The following TXNDC9 variants were observed in gnomAD, a reference collection of about 807,000 sequenced individuals.
TXNDC9 encodes the protein thioredoxin domain containing 9.
TXNDC9 carries 7 observed loss-of-function variants against 23.0 expected under a neutral mutation model. That is an observed-to-expected ratio of 0.30 (90% CI 0.17 to 0.57). The LOEUF is 0.57. TXNDC9 is among the 20% of genes least tolerant of loss of function. TXNDC9 has a pLI of 0.90. For missense variants in TXNDC9, 198 were observed against 252.6 expected (o/e 0.78, Z 1.47); for synonymous variants, 72 against 90.6 (o/e 0.79, Z 1.17).
At chr2:99,322,725 G>A in intron 3 of TXNDC9, 1 of 1,411,046 alleles carries the variant, frequency 7.1e-7, no homozygotes, top group Non-Finnish European at 9.3e-7. Context: ...TGGCCATTAT[G>A]CTTCTAGGAA....
intron 3 of TXNDC9, 47 bp from the exon 4 acceptor site, chr2:99,322,256 G>T: frequency 1.3e-6 from 2 of 1,561,406 alleles, no homozygotes; most frequent in Non-Finnish European, 1.7e-6. Context: ...ACCACAGATC[G>T]CTTTTTTCAA....
chr2:99,306,512 C>T, the TXNDC9 span, among the ~76,000 whole-genome samples: 1 of 151,776 alleles, frequency 6.6e-6, no homozygotes, highest in South Asian at 2.1e-4. Flanking sequence ...AGCTGGGGCA[C>T]AGGGTGTGGT....
chr2:99,311,241 TTA>T, the TXNDC9 span, among the ~76,000 whole-genome samples: 2 of 152,136 alleles, frequency 1.3e-5, no homozygotes, highest in African/African-American at 4.8e-5. Flanking sequence ...GAGAATTTTT[TTA>T]TCTTTTGTGG....
chr2:99,330,665 T>C (rs912316652), intron 2 of TXNDC9, among the ~76,000 whole-genome samples: 3 of 152,206 alleles, frequency 2.0e-5, no homozygotes, highest in Non-Finnish European at 4.4e-5. Flanking sequence ...GTGCCAGCTC[T>C]AGTTAACAGT....
At chr2:99,335,755 C>A (rs1279965750) in intron 1 of TXNDC9, among the ~76,000 whole-genome samples, 1 of 152,088 alleles carries the variant, frequency 6.6e-6, no homozygotes, top group Non-Finnish European at 1.5e-5. Flanking sequence ...TGGAAAAAGA[C>A]GAGATTAAGA....
chr2:99,329,031 T>C (rs911310502), intron 2 of TXNDC9, among the ~76,000 whole-genome samples: 3 of 152,100 alleles, frequency 2.0e-5, no homozygotes, highest in South Asian at 2.1e-4. Flanking sequence ...CCAATTCGTC[T>C]TGGGGAGAAA....
At chr2:99,308,804 C>A in the TXNDC9 span, among the ~76,000 whole-genome samples, 1 of 151,980 alleles carries the variant, frequency 6.6e-6, no homozygotes, top group South Asian at 2.1e-4. Flanking sequence ...CTCCGCCTCC[C>A]GGGTTCATGC....
At chr2:99,323,938 T>G (rs2094207988) in intron 3 of TXNDC9, among the ~76,000 whole-genome samples, 1 of 152,084 alleles carries the variant, frequency 6.6e-6, no homozygotes, top group Non-Finnish European at 1.5e-5. Flanking sequence ...CTCTGCCTCC[T>G]GGGTTCAATC....
At position 99,319,816 on chromosome 2, in the gene TXNDC9, AGC is replaced by A; in HGVS notation, c.564-19_564-18del. On this transcript the variant is annotated intron_variant, in intron 4 of 4. Transcript: ENST00000264255. The stretch of plus-strand genomic sequence containing the variant: ...AAATTTCCACTTAAAAAAAAAAAAA[AGC>A]ATTTTATTCTTTATGATTTAGTACT... 7.1e-7 allele frequency: 1 copy of A among 1,404,890 alleles called. No homozygotes were observed. Among genetic ancestry groups the A allele is most frequent in the Non-Finnish European group, 9.8e-7 (1 of 1,018,390 alleles). 87.0% of individuals were successfully genotyped at this position (1,404,890 alleles called of 1,614,324 possible). A position where few individuals can be genotyped will look rare whatever the true frequency, so the allele number is the denominator to read the frequency against.
chr2:99,323,909 G>A (rs899295506), intron 3 of TXNDC9, among the ~76,000 whole-genome samples: 1 of 152,022 alleles, frequency 6.6e-6, no homozygotes, highest in Non-Finnish European at 1.5e-5. Flanking sequence ...GCAGTGGCGC[G>A]ATCTCGGCTC....
downstream of TXNDC9, among the ~76,000 whole-genome samples, chr2:99,315,229 A>C (rs1228912693): frequency 4.1e-5 from 6 of 147,328 alleles, no homozygotes; most frequent in African/African-American, 1.5e-4. Context: ...TACCCGGCTA[A>C]TTTTTTTTTT....
At chr2:99,311,050 G>C in the TXNDC9 span, among the ~76,000 whole-genome samples, 2 of 151,966 alleles carry the variant, frequency 1.3e-5, no homozygotes, top group Non-Finnish European at 2.9e-5. Context: ...TTAAGAGACA[G>C]GATCTCCCTC....
intron 4 of TXNDC9, among the ~76,000 whole-genome samples, chr2:99,320,731 A>C (rs1389599369): frequency 6.6e-6 from 1 of 152,204 alleles, no homozygotes; most frequent in Non-Finnish European, 1.5e-5. Context: ...TATATATGGA[A>C]GTCTTTAGGA....
chr2:99,319,801 T>TA lies in TXNDC9; in HGVS notation c.564-3_564-2insT. ...AATGGTGGCTCCATTAAATTTCCAC[T>TA]TAAAAAAAAAAAAAAGCATTTTATT... On this transcript the variant is annotated splice_region_variant and splice_polypyrimidine_tract_variant and intron_variant, in intron 4 of 4. Coordinates refer to ENST00000264255, the MANE Select transcript of TXNDC9 (RefSeq NM_005783.4). 6.5e-7 allele frequency: 1 copy of TA among 1,532,830 alleles called. No individual in the cohort carries two copies. Among genetic ancestry groups the TA allele is most frequent in the Admixed American group, 2.1e-5 (1 of 46,774 alleles). The allele number at this position is 1,532,830 out of a possible 1,614,324, so 95.0% of individuals were successfully genotyped here. A position where few individuals can be genotyped will look rare whatever the true frequency, so the allele number is the denominator to read the frequency against.
At position 99,333,016 on chromosome 2, in the gene TXNDC9, G is replaced by C; in HGVS notation, c.189+6C>G. The C allele has an allele frequency of 1.2e-6, 2 of 1,610,288 alleles. No individual in the cohort carries two copies. The highest frequency in any genetic ancestry group is 1.3e-5 in the African/African-American group (1 of 74,914). ...GCAATTTCAGAAAGCAGGGCAGAGA[G>C]GTTACTTGTTTCTGCTGTTGAGCTT... On this transcript the variant is annotated splice_donor_region_variant and intron_variant, in intron 2 of 4. Coordinates refer to ENST00000264255, the MANE Select transcript of TXNDC9 (RefSeq NM_005783.4).
Position 99,336,309 on chromosome 2 carries a change from C to G in TXNDC9, c.-103G>C. ...AAAGACACGTCCACTCCGGCTTTTGCCTTGCAGTAGCTGCCGGCGGCTGCA... is the reference window on the plus strand; with the variant it reads ...AAAGACACGTCCACTCCGGCTTTTGGCTTGCAGTAGCTGCCGGCGGCTGCA... On this transcript the variant is annotated 5_prime_UTR_variant, in exon 1 of 5. Coordinates refer to ENST00000264255, the MANE Select transcript of TXNDC9 (RefSeq NM_005783.4). 1 of 985,534 alleles carries G rather than the reference C, an allele frequency of 1.0e-6. No individual in the cohort carries two copies. Among genetic ancestry groups the G allele is most frequent in the Non-Finnish European group, 1.2e-6 (1 of 830,012 alleles). The allele number at this position is 985,534 out of a possible 1,614,324, so 61.0% of individuals were successfully genotyped here.
At chr2:99,328,176 C>T (rs2094217181) in intron 2 of TXNDC9, among the ~76,000 whole-genome samples, 1 of 151,668 alleles carries the variant, frequency 6.6e-6, no homozygotes, top group Non-Finnish European at 1.5e-5. Flanking sequence ...CTCACTGCAG[C>T]CTCAAACCTC....
At chr2:99,327,678 T>C in intron 2 of TXNDC9, 25 bp from the exon 3 acceptor site, 2 of 1,432,054 alleles carry the variant, frequency 1.4e-6, no homozygotes, top group Non-Finnish European at 9.8e-7. Flanking sequence ...GGCAAAACAT[T>C]ACACATGTGA....
intron 2 of TXNDC9, among the ~76,000 whole-genome samples, chr2:99,329,685 A>T (rs764747066): frequency 6.6e-6 from 1 of 152,164 alleles, no homozygotes; most frequent in Non-Finnish European, 1.5e-5. Context: ...AGTATTTGTT[A>T]GGCTGGACGC....
Sources: gnomAD v4.1 joint callset for allele counts (sites outside exome capture counted in the v4.1 genomes callset) on GRCh38, gnomAD v4.1.1 for gene constraint, MANE v1.5 for transcripts, NCBI Gene and HGNC (gene_info 2026-07-23, HGNC 2026-07-21) for gene names.